MLLT3: variants seen among roughly 807,000 people sequenced by gnomAD.
MLLT3 encodes the protein protein AF-9.
A neutral mutation model predicts 53.2 loss-of-function variants in MLLT3; 4 were observed. That is an observed-to-expected ratio of 0.08 (90% CI 0.04 to 0.17). The LOEUF (loss-of-function observed/expected upper bound fraction) is 0.17. Ranked by LOEUF, MLLT3 falls within the 10% of genes least tolerant of loss-of-function variation. MLLT3 has a pLI of 1.00. For missense variants in MLLT3, 569 were observed against 684.0 expected, an observed-to-expected ratio of 0.83 and a Z score of 1.87; for synonymous variants, 283 against 230.6, an observed-to-expected ratio of 1.23 and a Z score of -2.06.
intron 2 of MLLT3, among the ~76,000 whole-genome samples, chr9:20,584,070 T>C (rs1174702566): frequency 6.6e-6 from 1 of 152,240 alleles, no homozygotes; most frequent in African/African-American, 2.4e-5. Flanking sequence ...TTGAATACTT[T>C]GCTGCTTAGA....
At position 20,517,013 on chromosome 9, in the gene MLLT3, C is replaced by T. The variant is rs184441984; in HGVS notation, c.194-60227G>A. Among the ~76,000 whole-genome samples the T allele has an allele frequency of 7.7e-4, 117 of 152,226 alleles. 1 individual carries two copies. The highest frequency in any genetic ancestry group is 7.6e-3 in the Admixed American group (116 of 15,296). ...TTAATTAGCTATAGGAAATAATATA[C>T]TTACGCAGTTTTTGTATTTTTTAAA... On this transcript the variant is annotated intron_variant, in intron 2 of 10. Transcript: ENST00000380338.
chr9:20,592,807 C>A (rs892707032), intron 2 of MLLT3, among the ~76,000 whole-genome samples: 3 of 152,100 alleles, frequency 2.0e-5, no homozygotes, highest in African/African-American at 7.2e-5. Context: ...ATACGATTAC[C>A]AGGAGGTCTA....
At chr9:20,504,564 G>A (rs1253882392) in intron 2 of MLLT3, among the ~76,000 whole-genome samples, 1 of 152,122 alleles carries the variant, frequency 6.6e-6, no homozygotes, top group Admixed American at 6.5e-5. Context: ...TTGAATCAAA[G>A]AGTAGAATGG....
intron 2 of MLLT3, among the ~76,000 whole-genome samples, chr9:20,512,295 C>T: frequency 6.6e-6 from 1 of 152,182 alleles, no homozygotes; most frequent in East Asian, 1.9e-4. Flanking sequence ...ATGTTTAATA[C>T]AGCAACAGCA....
At chr9:20,434,548 C>T (rs756195202) in intron 4 of MLLT3, among the ~76,000 whole-genome samples, 4 of 152,182 alleles carry the variant, frequency 2.6e-5, no homozygotes, top group Non-Finnish European at 5.9e-5. Flanking sequence ...CTCCACTTGG[C>T]TGTCTCTTCA....
chr9:20,503,164 T>A (rs958028172), intron 2 of MLLT3, among the ~76,000 whole-genome samples: 1 of 152,164 alleles, frequency 6.6e-6, no homozygotes, highest in Non-Finnish European at 1.5e-5. Context: ...AAAATTTCAA[T>A]GACATTTTTT....
At chr9:20,467,148 GT>G (rs914103596) in intron 2 of MLLT3, among the ~76,000 whole-genome samples, 15 of 147,690 alleles carry the variant, frequency 1.0e-4, no homozygotes, top group South Asian at 4.3e-4. Flanking sequence ...TTGGCAAAGA[GT>G]TTTTTTTTTT....
At chr9:20,479,598 A>C (rs963923282) in intron 2 of MLLT3, among the ~76,000 whole-genome samples, 2 of 152,192 alleles carry the variant, frequency 1.3e-5, no homozygotes, top group Admixed American at 1.3e-4. Context: ...CCAGCCTGCC[A>C]CTAATTTCCT....
At chr9:20,475,440 G>A (rs191526929) in intron 2 of MLLT3, among the ~76,000 whole-genome samples, 1 of 152,014 alleles carries the variant, frequency 6.6e-6, no homozygotes, top group African/African-American at 2.4e-5. Context: ...CTGATCTGCT[G>A]CATGAAAAAG....
At chr9:20,418,182 C>G (rs1245274802) in intron 4 of MLLT3, 1 of 152,122 alleles carries the variant, frequency 6.6e-6, no homozygotes, top group Non-Finnish European at 1.5e-5. Context: ...TAGTGTGGTC[C>G]AAGAGGTTAT....
intron 5 of MLLT3, among the ~76,000 whole-genome samples, chr9:20,385,305 G>T (rs141810567): frequency 6.6e-6 from 1 of 151,936 alleles, no homozygotes; most frequent in Admixed American, 6.6e-5. Flanking sequence ...AAGGGGCTAC[G>T]GAAAGATAAT....
rs1822822326 is a variant in MLLT3 at position 20,414,405 on chromosome 9, A to T, written c.441T>A (p.His147Gln). ...TGCTGCTGCTGCTGCTGCTGCTGGT[A>T]TGAATACTCCTATTAGGGTCCTGCA... ...KAGGDPNRSI[H>Q]TSSSSSSSSS... Residue 147 changes from histidine (H) to glutamine (Q), a missense_variant, in exon 5 of 11, where the codon CAT becomes CAA. Physicochemically the swap from His to Gln is conservative, Grantham distance 24. Coordinates refer to ENST00000380338, the MANE Select transcript of MLLT3 (RefSeq NM_004529.4). The T allele has an allele frequency of 6.2e-7, 1 of 1,604,588 alleles. No individual in the cohort carries two copies.
At chr9:20,501,292 T>C (rs1029495110) in intron 2 of MLLT3, among the ~76,000 whole-genome samples, 1 of 152,192 alleles carries the variant, frequency 6.6e-6, no homozygotes, top group African/African-American at 2.4e-5. Context: ...GAACACTGAA[T>C]ACATACCAGG....
At chr9:20,447,734 T>A in intron 4 of MLLT3, among the ~76,000 whole-genome samples, 1 of 152,296 alleles carries the variant, frequency 6.6e-6, no homozygotes, top group Non-Finnish European at 1.5e-5. Context: ...AAATTTGGAT[T>A]TCTTTTTATA....
rs139381791 is a variant in MLLT3, at chr9:20,370,731, G to A, written c.1126-4987C>T. ...TCGCCATGTTAGCCAGGCTGATCTC[G>A]AACTCTTGACCTCAGGTGATCCACC... On this transcript the variant is annotated intron_variant, in intron 5 of 10. Coordinates refer to ENST00000380338, the MANE Select transcript of MLLT3 (RefSeq NM_004529.4). Among the ~76,000 whole-genome samples the A allele has an allele frequency of 2.9e-3, 437 of 152,122 alleles. 1 individual carries two copies. The highest frequency in any genetic ancestry group is 4.7e-3 in the Non-Finnish European group (321 of 67,994).
intron 5 of MLLT3, among the ~76,000 whole-genome samples, chr9:20,370,630 C>G (rs144169384): frequency 1.1e-3 from 173 of 152,168 alleles, no homozygotes; most frequent in African/African-American, 3.9e-3. Flanking sequence ...CCTGCCTCAG[C>G]CTCCCGAGTA....
intron 2 of MLLT3, among the ~76,000 whole-genome samples, chr9:20,528,418 T>A (rs1022612154): frequency 6.6e-6 from 1 of 152,274 alleles, no homozygotes; most frequent in Non-Finnish European, 1.5e-5. Flanking sequence ...CTGTGGCTGC[T>A]GTTAACAAAC....
chr9:20,363,423 G>C (rs751912355), intron 7 of MLLT3, 53 bp downstream of exon 7: 21 of 1,601,844 alleles, frequency 1.3e-5, no homozygotes, highest in Admixed American at 5.1e-5. Context: ...AGCAGGGCTT[G>C]TGAAAGAGTC....
At chr9:20,600,122 G>A (rs1332338612) in intron 2 of MLLT3, among the ~76,000 whole-genome samples, 3 of 104,690 alleles carry the variant, frequency 2.9e-5, no homozygotes, top group African/African-American at 8.1e-5. Flanking sequence ...TTGCAATGTT[G>A]TCCAAAAAAA....
Sources: allele counts gnomAD v4.1 joint callset (sites outside exome capture counted in the v4.1 genomes callset), GRCh38; gene constraint gnomAD v4.1.1; transcripts MANE v1.5; gene names NCBI Gene and HGNC (gene_info 2026-07-23, HGNC 2026-07-21).